SEC16A: variants seen among roughly 807,000 people sequenced by gnomAD.
SEC16A encodes the protein protein transport protein Sec16A.
Under a neutral mutation model 221.9 loss-of-function variants are expected in SEC16A, and 110 were observed. The ratio of observed to expected loss-of-function variants is 0.50; its 90% CI spans 0.42 to 0.58. The LOEUF (loss-of-function observed/expected upper bound fraction) is 0.58, where lower values mean the gene tolerates loss of function less well. SEC16A is among the 20% of genes least tolerant of loss of function. The pLI, the probability that SEC16A is intolerant of heterozygous loss-of-function variation, is 0.00. For missense variants in SEC16A, 3,165 were observed against 3,097.8 expected, an observed-to-expected ratio of 1.02 and a Z score of -0.52; for synonymous variants, 1,393 against 1,257.7, an observed-to-expected ratio of 1.11 and a Z score of -2.28.
upstream of SEC16A, chr9:136,484,306 C>T: frequency 9.4e-7 from 1 of 1,059,286 alleles, no homozygotes; most frequent in South Asian, 2.2e-5. Context: ...GGCGGGTAGG[C>T]GCTCCTGTGC....
chr9:136,449,740 G>A (rs1314163943), intron 23 of SEC16A, among the ~76,000 whole-genome samples: 1 of 152,222 alleles, frequency 6.6e-6, no homozygotes, highest in Non-Finnish European at 1.5e-5. Flanking sequence ...AAGCTGTCCC[G>A]GGGAGGCCTG....
intron 30 of SEC16A, chr9:136,444,104 G>A (rs1588858806): frequency 8.3e-6 from 4 of 481,740 alleles, no homozygotes; most frequent in Non-Finnish European, 1.1e-5. Context: ...GCAACGTGCA[G>A]AGCCAATGTT....
At position 136,476,436 on chromosome 9, in the gene SEC16A, A is replaced by G. The variant is rs369180207; in HGVS notation, c.1180T>C (p.Leu394=). The G allele has an allele frequency of 6.8e-6, 11 of 1,613,084 alleles. No individual in the cohort carries two copies. In the African/African-American group the frequency reaches 1.5e-4, roughly 21 times the overall value. The change falls in exon 3 of 32, where the codon TTA becomes CTA. Residue 394 remains leucine, a synonymous_variant. Transcript: ENST00000684901. ...TCGTCAAAGTCCGCTTGACCAGATA[A>G]GCCTGCTTTTTCAGATGAGAGATTC... The part of the protein sequence containing the change: ...EENLSSEKAG[L]SGQADFDDFC...
Position 136,466,459 on chromosome 9 carries a change from G to A in SEC16A, c.3933C>T (p.Pro1311=), listed in dbSNP as rs548306917. Residue 1311 remains proline, a synonymous_variant, in exon 7 of 32, where the codon CCC becomes CCT. Coordinates refer to ENST00000684901, the MANE Select transcript of SEC16A (RefSeq NM_014866.2). The surrounding 1 kb of genome is among the most constrained non-coding windows in gnomAD (Gnocchi z 5.5). ...ACCTCCAGTTGTTGTCACGTTTCTC[G>A]GGCCTAGAGGAAGCCGGGGGACAGA... The part of the protein sequence containing the change: ...RREHSAFGDR[P]EKRDNNWRYD... 23 of 1,600,132 alleles carry A rather than the reference G, an allele frequency of 1.4e-5. No individual in the cohort carries two copies. The East Asian group carries it at 2.3e-4, about 16-fold the overall frequency.
intron 23 of SEC16A, chr9:136,448,862 G>A (rs1837404561): frequency 1.4e-6 from 1 of 711,556 alleles, no homozygotes; most frequent in Admixed American, 2.0e-5. Flanking sequence ...ATGGAGGTGG[G>A]AGGGAACCGG....
chr9:136,446,341 T>C (rs1836978536), intron 28 of SEC16A, among the ~76,000 whole-genome samples: 1 of 151,564 alleles, frequency 6.6e-6, no homozygotes, highest in Non-Finnish European at 1.5e-5. Flanking sequence ...ACTCCTGACC[T>C]CAGGTGACCC....
Position 136,474,500 on chromosome 9 carries a change from C to T in SEC16A, c.3116G>A (p.Arg1039His), listed in dbSNP as rs746894213. The T allele has an allele frequency of 2.2e-5, 36 of 1,612,980 alleles. No individual in the cohort carries two copies. The highest frequency in any genetic ancestry group is 6.6e-5 in the South Asian group (6 of 91,074). The change falls in exon 3 of 32, where the codon CGT becomes CAT. Residue 1039 changes from arginine to histidine, a missense_variant. Around this residue, in one of 3 missense-constraint regions of SEC16A, gnomAD observed 2,030 missense variants for 1,923.1 expected, o/e 1.06. Coordinates refer to ENST00000684901, the MANE Select transcript of SEC16A (RefSeq NM_014866.2). Reference sequence around the variant, plus strand: ...ATCTTTCGTGACCTGCTGATAAAAACGGTCAAGGTTAGGCGCCCCAGGCCC... The same window carrying T: ...ATCTTTCGTGACCTGCTGATAAAAATGGTCAAGGTTAGGCGCCCCAGGCCC... ...QSGPGAPNLD[R>H]FYQQVTKDAQ...
At position 136,460,038 on chromosome 9, in the gene SEC16A, T is replaced by C. The variant is rs549651751; in HGVS notation, c.5073+4A>G. 1 of 1,599,374 alleles carries C rather than the reference T, an allele frequency of 6.3e-7. No individual in the cohort carries two copies. Among genetic ancestry groups the C allele is most frequent in the Admixed American group, 1.7e-5 (1 of 57,752 alleles). On this transcript the variant is annotated splice_donor_region_variant and intron_variant, in intron 14 of 31. Coordinates refer to ENST00000684901, the MANE Select transcript of SEC16A (RefSeq NM_014866.2). ...TGTGCAAGCCACCAGGCAGTGCCAC[T>C]CACCGTGGACGCGGCAGGCATCCGT...
rs775046265 is a variant in SEC16A at position 136,447,563 on chromosome 9, C to A, written c.6559+6G>T. On this transcript the variant is annotated splice_donor_region_variant and intron_variant, in intron 26 of 31. Coordinates refer to ENST00000684901, the MANE Select transcript of SEC16A (RefSeq NM_014866.2). The surrounding 1 kb of genome is among the most constrained non-coding windows in gnomAD (Gnocchi z 5.5). ...AAGCAAGCTCCCACTCCAAGGCCAC[C>A]CTTACCTGCTCTTCTAGAGTACATG... The A allele has an allele frequency of 9.3e-6, 15 of 1,609,160 alleles. No individual in the cohort carries two copies. The highest frequency in any genetic ancestry group is 1.3e-5 in the Non-Finnish European group (15 of 1,175,492).
chr9:136,442,438 C>G (rs553128847), intron 31 of SEC16A, among the ~76,000 whole-genome samples: 1 of 152,350 alleles, frequency 6.6e-6, no homozygotes, highest in East Asian at 1.9e-4. Flanking sequence ...GCCCAGGAAG[C>G]CTGCAGTCAA....
At chr9:136,457,335 A>T in intron 18 of SEC16A, 109 bp downstream of exon 18, 1 of 1,265,948 alleles carries the variant, frequency 7.9e-7, no homozygotes, top group Non-Finnish European at 1.1e-6. Flanking sequence ...CTGAGCGCCT[A>T]CCACAATGCG....
Position 136,459,880 on chromosome 9 carries a change from A to G in SEC16A, c.5074-6T>C, listed in dbSNP as rs761719908. 14 of 1,610,854 alleles carry G rather than the reference A, an allele frequency of 8.7e-6. No homozygotes were observed. The highest frequency in any genetic ancestry group is 1.2e-5 in the Non-Finnish European group (14 of 1,178,054). On this transcript the variant is annotated splice_polypyrimidine_tract_variant and splice_region_variant and intron_variant, in intron 14 of 31. Transcript: ENST00000684901. This position sits in a 1 kb window ranked among gnomAD's most constrained non-coding sequence, Gnocchi z 6.1. ...CATTTCTCGTCTCCACAGCACTAAC[A>G]TGAGGAAAAACAAAACGAAGCCTCA...
At chr9:136,480,432 T>C (rs987566021) in intron 1 of SEC16A, among the ~76,000 whole-genome samples, 2 of 152,232 alleles carry the variant, frequency 1.3e-5, no homozygotes, top group Non-Finnish European at 2.9e-5. Flanking sequence ...AGAGCAAAAC[T>C]GAGTGTCCAG....
In SEC16A at chr9:136,441,027, G is replaced by A. The variant is rs935389648; in HGVS notation, c.*728C>T. On this transcript the variant is annotated 3_prime_UTR_variant, in exon 32 of 32. Transcript: ENST00000684901. ...CTCCTTCCCAGTGACTGGGCCACAC[G>A]GTGGGCAGTCCCCAGCGCTTTGGGT... is the stretch of plus-strand genomic sequence containing the variant. 6 of 151,952 alleles carry A rather than the reference G, an allele frequency of 3.9e-5. No homozygotes were observed. Among genetic ancestry groups the A allele is most frequent in the Admixed American group, 2.0e-4 (3 of 15,206 alleles). The allele number at this position is 151,952 out of a possible 1,614,324, so 9.4% of individuals were successfully genotyped here.
chr9:136,468,229 T>C (rs998375842), intron 5 of SEC16A, among the ~76,000 whole-genome samples, 186 bp downstream of exon 5: 2 of 152,252 alleles, frequency 1.3e-5, no homozygotes, highest in African/African-American at 4.8e-5. Flanking sequence ...AATATCAATA[T>C]AATTATTTCC....
At position 136,458,666 on chromosome 9, in the gene SEC16A, G is replaced by A. The variant is rs541044294; in HGVS notation, c.5409+468C>T. Among the ~76,000 whole-genome samples, 3 of 152,122 alleles carry A rather than the reference G, an allele frequency of 2.0e-5. No homozygotes were observed. The South Asian group carries it at 6.2e-4, about 32-fold the overall frequency. On this transcript the variant is annotated intron_variant, in intron 17 of 31. Coordinates refer to ENST00000684901, the MANE Select transcript of SEC16A (RefSeq NM_014866.2). ...AAGCTCATACAGGCTAGGTGCGGTG[G>A]CTCACGCCTGTAATCCCAACACTCT...
rs1394488307 is a variant in SEC16A at position 136,456,135 on chromosome 9, T to A, written c.5582A>T (p.Gln1861Leu). Residue 1861 changes from glutamine to leucine, a missense_variant, in exon 19 of 32, where the codon CAG (glutamine) becomes CTG (leucine). Around this residue, in one of 3 missense-constraint regions of SEC16A, gnomAD observed 1,088 missense variants for 1,089.6 expected, o/e 1.00. Transcript: ENST00000684901. ...MASQLRLFDP[Q>L]LKEKPEEESL... ...CTCCTCTTCTGGCTTCTCTTTCAGCTGGGGATCGAAGAGTCGTAACTGGGA... is the reference window on the plus strand; with the variant it reads ...CTCCTCTTCTGGCTTCTCTTTCAGCAGGGGATCGAAGAGTCGTAACTGGGA... 6.2e-7 allele frequency: 1 copy of A among 1,612,418 alleles called. No individual in the cohort carries two copies. The highest frequency in any genetic ancestry group is 1.3e-5 in the African/African-American group (1 of 74,942).
chr9:136,446,977 C>A, intron 27 of SEC16A, 28 bp from the exon 28 acceptor site: 1 of 1,613,416 alleles, frequency 6.2e-7, no homozygotes, highest in East Asian at 2.2e-5. Context: ...AGGAGGCCAT[C>A]ATTCCGTCCC....
chr9:136,448,028 G>T, intron 24 of SEC16A, 56 bp downstream of exon 24: 1 of 1,558,242 alleles, frequency 6.4e-7, no homozygotes, highest in Non-Finnish European at 8.8e-7. Flanking sequence ...CTCTGAAAGT[G>T]ACAGAAAAAT....
Sources: allele counts gnomAD v4.1 joint callset (sites outside exome capture counted in the v4.1 genomes callset), GRCh38; gene constraint gnomAD v4.1.1; regional missense constraint gnomAD v4.1.1; non-coding constraint Gnocchi (gnomAD v3.1); transcripts MANE v1.5; gene names NCBI Gene and HGNC (gene_info 2026-07-23, HGNC 2026-07-21).